The following DBNL variants were observed in gnomAD, a reference collection of about 807,000 sequenced individuals.
DBNL encodes drebrin-like protein.
Under a neutral mutation model 62.2 loss-of-function variants are expected in DBNL, and 35 were observed. The ratio of observed to expected loss-of-function variants is 0.56; its 90% CI spans 0.43 to 0.75. The LOEUF is 0.75. Ranked by LOEUF, DBNL falls within the 30% of genes least tolerant of loss-of-function variation. The pLI is 0.00. For synonymous variants in DBNL, 197 were observed against 218.0 expected, an observed-to-expected ratio of 0.90 and a Z score of 0.85; for missense variants, 495 against 578.4, an observed-to-expected ratio of 0.86 and a Z score of 1.48.
chr7:44,054,404 G>A (rs1322909873), intron 4 of DBNL, among the ~76,000 whole-genome samples: 6 of 152,226 alleles, frequency 3.9e-5, no homozygotes, highest in Non-Finnish European at 8.8e-5. Context: ...TGTTGGCCAG[G>A]CTGGTCTGGA....
chr7:44,063,110 C>T lies in DBNL; in HGVS notation c.*2194C>T, dbSNP rs2096152259. The T allele has an allele frequency of 4.4e-6, 3 of 675,660 alleles. No homozygotes were observed. Among genetic ancestry groups the T allele is most frequent in the South Asian group, 3.3e-5 (2 of 60,588 alleles). The allele number at this position is 675,660 out of a possible 1,614,324, so 41.9% of individuals were successfully genotyped here. A position where few individuals can be genotyped will look rare whatever the true frequency, so the allele number is the denominator to read the frequency against. ...CAAGGAGTAACTGAGTTAGACCAAG[C>T]AGCCTACAGAAATAGCCCAGTGGTG... On this transcript the variant is annotated 3_prime_UTR_variant, in exon 13 of 13. Coordinates refer to ENST00000448521, the MANE Select transcript of DBNL (RefSeq NM_001014436.3).
chr7:44,051,805 G>T, intron 2 of DBNL, 25 bp from the exon 3 acceptor site: 1 of 1,612,228 alleles, frequency 6.2e-7, no homozygotes, highest in South Asian at 1.1e-5. Context: ...GGCCACCCCT[G>T]ACCTTCACTG....
rs2096142838 is a variant in DBNL, at chr7:44,059,077, A to G, written c.835+94A>G. On this transcript the variant is annotated intron_variant, in intron 9 of 12. Transcript: ENST00000448521. This position sits in a 1 kb window ranked among gnomAD's most constrained non-coding sequence, Gnocchi z 4.1. ...GGCTCCCCCAAGGCTAGTGACAGATATATCGGTGACGGGTGAGTGAGTGAG... is the reference window on the plus strand; with the variant it reads ...GGCTCCCCCAAGGCTAGTGACAGATGTATCGGTGACGGGTGAGTGAGTGAG... The G allele has an allele frequency of 7.3e-6, 10 of 1,371,234 alleles. No individual in the cohort carries two copies. The South Asian group carries it at 8.5e-5, about 12-fold the overall frequency. The allele number at this position is 1,371,234 out of a possible 1,614,324, so 84.9% of individuals were successfully genotyped here.
At chr7:44,052,399 C>G (rs1209356047) in intron 3 of DBNL, among the ~76,000 whole-genome samples, 1 of 152,030 alleles carries the variant, frequency 6.6e-6, no homozygotes, top group Non-Finnish European at 1.5e-5. Context: ...TGCCTGAGCT[C>G]AGGAGTTTGA....
Position 44,059,704 on chromosome 7 carries a change from C to T in DBNL, c.1047+46C>T. On this transcript the variant is annotated intron_variant, in intron 11 of 12. Coordinates refer to ENST00000448521, the MANE Select transcript of DBNL (RefSeq NM_001014436.3). This position sits in a 1 kb window ranked among gnomAD's most constrained non-coding sequence, Gnocchi z 4.1. ...TGGGGCCAGGAAGGGGCTGCATACT[C>T]AGGAACACTTATCACGGGCCGCCTG... 1 of 1,518,358 alleles carries T rather than the reference C, an allele frequency of 6.6e-7. No individual in the cohort carries two copies. Among genetic ancestry groups the T allele is most frequent in the Non-Finnish European group, 8.8e-7 (1 of 1,131,438 alleles). 94.1% of individuals were successfully genotyped at this position (1,518,358 alleles called of 1,614,324 possible).
Position 44,064,982 on chromosome 7 carries a change from C to G in DBNL, c.*4066C>G. On this transcript the variant is annotated 3_prime_UTR_variant, in exon 13 of 13. Coordinates refer to ENST00000448521, the MANE Select transcript of DBNL (RefSeq NM_001014436.3). Reference sequence around the variant, plus strand: ...TTGAGGCTCTCGCAGGTGGGGAGTTCCCCGGGCTTCAGGCCTGCGTACCGA... The same window carrying G: ...TTGAGGCTCTCGCAGGTGGGGAGTTGCCCGGGCTTCAGGCCTGCGTACCGA... 4 of 1,606,588 alleles carry G rather than the reference C, an allele frequency of 2.5e-6. No individual in the cohort carries two copies. Among genetic ancestry groups the G allele is most frequent in the Non-Finnish European group, 3.4e-6 (4 of 1,179,554 alleles).
intron 4 of DBNL, among the ~76,000 whole-genome samples, chr7:44,056,172 G>A (rs191939095): frequency 3.9e-5 from 6 of 152,120 alleles, no homozygotes; most frequent in South Asian, 2.1e-4. Context: ...GAAGGAGACC[G>A]TCCTTTCCCC....
intron 1 of DBNL, among the ~76,000 whole-genome samples, chr7:44,046,787 T>C (rs2096118088): frequency 6.6e-6 from 1 of 152,244 alleles, no homozygotes; most frequent in Admixed American, 6.5e-5. Flanking sequence ...CTTCCGTGTC[T>C]GTAACTCTAC....
chr7:44,049,200 A>G (rs1205696485), intron 1 of DBNL, among the ~76,000 whole-genome samples: 1 of 152,096 alleles, frequency 6.6e-6, no homozygotes, highest in East Asian at 1.9e-4. Flanking sequence ...TCTGTTGCCC[A>G]GGCTGGAGTG....
At position 44,062,984 on chromosome 7, in the gene DBNL, C is replaced by G. The variant is rs2096152085; in HGVS notation, c.*2068C>G. ...CCCCTCTGTCCCCAGCCTGTTTACACAGCAGACACTATGTGACCTTTATGG... is the reference window on the plus strand; with the variant it reads ...CCCCTCTGTCCCCAGCCTGTTTACAGAGCAGACACTATGTGACCTTTATGG... On this transcript the variant is annotated 3_prime_UTR_variant, in exon 13 of 13. Transcript: ENST00000448521. 2 of 1,577,250 alleles carry G rather than the reference C, an allele frequency of 1.3e-6. No homozygotes were observed. Among genetic ancestry groups the G allele is most frequent in the Admixed American group, 1.7e-5 (1 of 59,962 alleles).
In DBNL at chr7:44,055,431, A is replaced by G. The variant is rs372377724; in HGVS notation, c.328-1326A>G. Among the ~76,000 whole-genome samples the G allele has an allele frequency of 4.6e-5, 7 of 152,238 alleles. No homozygotes were observed. In the East Asian group the frequency reaches 1.2e-3, roughly 25 times the overall value. On this transcript the variant is annotated intron_variant, in intron 4 of 12. Coordinates refer to ENST00000448521, the MANE Select transcript of DBNL (RefSeq NM_001014436.3). ...GCAGTGAGCCGAGATTGTCCACTGC[A>G]CTCCAGCCTGGGCAACAGAGTAAGA...
intron 1 of DBNL, among the ~76,000 whole-genome samples, chr7:44,046,268 G>A (rs897129888): frequency 5.9e-5 from 9 of 152,132 alleles, no homozygotes; most frequent in African/African-American, 2.2e-4. Flanking sequence ...ACATGCTCTT[G>A]ATCACTCTGT....
In DBNL at chr7:44,059,338, T is replaced by A. The variant is rs370686224; in HGVS notation, c.836-16T>A. On this transcript the variant is annotated splice_polypyrimidine_tract_variant and intron_variant, in intron 9 of 12. Coordinates refer to ENST00000448521, the MANE Select transcript of DBNL (RefSeq NM_001014436.3). This position sits in a 1 kb window ranked among gnomAD's most constrained non-coding sequence, Gnocchi z 4.1. ...GGTGTTTCTGAAGTGATGTATATAT[T>A]TACCCGGGTTTGCAGGCAAGCTGAG... 3 of 1,613,408 alleles carry A rather than the reference T, an allele frequency of 1.9e-6. No individual in the cohort carries two copies. The highest frequency in any genetic ancestry group is 2.5e-6 in the Non-Finnish European group (3 of 1,179,692).
chr7:44,065,197 C>G lies in DBNL; in HGVS notation c.*4281C>G, dbSNP rs758904645. ...CGAAGGAGCGCCTCCAGATCTTCAC[C>G]TGCTCCTCCCCGTGCTTGGCGGCCG... is the stretch of plus-strand genomic sequence containing the variant. On this transcript the variant is annotated 3_prime_UTR_variant, in exon 13 of 13. Transcript: ENST00000448521. 2 of 1,614,116 alleles carry G rather than the reference C, an allele frequency of 1.2e-6. No homozygotes were observed. The highest frequency in any genetic ancestry group is 1.7e-6 in the Non-Finnish European group (2 of 1,180,044).
intron 4 of DBNL, among the ~76,000 whole-genome samples, chr7:44,056,198 C>G (rs2096135940): frequency 6.6e-6 from 1 of 152,080 alleles, no homozygotes; most frequent in African/African-American, 2.4e-5. Context: ...ATGTTCCTGT[C>G]ACCTTTGTTA....
chr7:44,055,479 A>G (rs1248900896), intron 4 of DBNL, among the ~76,000 whole-genome samples: 4 of 152,212 alleles, frequency 2.6e-5, no homozygotes, highest in Non-Finnish European at 4.4e-5. Context: ...AAAAAACCCA[A>G]AAAACCATAC....
At chr7:44,053,397 A>G (rs182978638) in intron 4 of DBNL, among the ~76,000 whole-genome samples, 179 of 152,286 alleles carry the variant, frequency 1.2e-3, no homozygotes, top group African/African-American at 4.0e-3. Flanking sequence ...AATTTTAAAA[A>G]CTATTTGTAA....
chr7:44,064,793 G>GGGCCCCCCCCCCCCCC lies in DBNL; in HGVS notation c.*3877_*3878insGGCCCCCCCCCCCCCC. The GGGCCCCCCCCCCCCCC allele has an allele frequency of 3.5e-6, 4 of 1,136,956 alleles. No homozygotes were observed. The highest frequency in any genetic ancestry group is 2.5e-5 in the East Asian group (1 of 40,040). The allele number at this position is 1,136,956 out of a possible 1,614,324, so 70.4% of individuals were successfully genotyped here. ...AGATGAGAAGCCAGCTGGGGCTGCT[G>GGGCCCCCCCCCCCCCC]CCCACCCACCCTGCCCAGGCTCCTG... On this transcript the variant is annotated 3_prime_UTR_variant, in exon 13 of 13. Coordinates refer to ENST00000448521, the MANE Select transcript of DBNL (RefSeq NM_001014436.3).
intron 4 of DBNL, 135 bp downstream of exon 4, chr7:44,053,076 T>A: frequency 8.5e-7 from 1 of 1,177,478 alleles, no homozygotes; most frequent in Non-Finnish European, 1.2e-6. Context: ...TCTGCCTGCC[T>A]TTGAGGGCAT....
Sources: allele counts gnomAD v4.1 joint callset (sites outside exome capture counted in the v4.1 genomes callset), GRCh38; gene constraint gnomAD v4.1.1; non-coding constraint Gnocchi (gnomAD v3.1); transcripts MANE v1.5; gene names NCBI Gene and HGNC (gene_info 2026-07-23, HGNC 2026-07-21).